The following DNAH9 variants were observed in gnomAD, a reference collection of about 807,000 sequenced individuals.
The protein encoded by DNAH9 is DNAH9 variant protein.
A neutral mutation model predicts 471.6 loss-of-function variants in DNAH9; 345 were observed. The observed-to-expected ratio is 0.73, with a 90% confidence interval of 0.67 to 0.80. The LOEUF (loss-of-function observed/expected upper bound fraction) is 0.80. Ranked by LOEUF, DNAH9 falls within the 30% of genes least tolerant of loss-of-function variation. The probability of loss-of-function intolerance (pLI) is 0.00; values close to 1 mark genes in which losing one functional copy is unlikely to be tolerated. For missense variants in DNAH9, 5,407 were observed against 5,609.2 expected (o/e 0.96, Z 1.15); for synonymous variants, 2,093 against 2,123.6 (o/e 0.99, Z 0.40).
At chr17:11,787,213 C>G (rs367933854) in intron 41 of DNAH9, among the ~76,000 whole-genome samples, 1 of 152,184 alleles carries the variant, frequency 6.6e-6, no homozygotes, top group South Asian at 2.1e-4. Context: ...AAGTGATGTA[C>G]AGAAAACAGA....
At chr17:11,911,707 T>C (rs1417018766) in intron 61 of DNAH9, among the ~76,000 whole-genome samples, 1 of 152,222 alleles carries the variant, frequency 6.6e-6, no homozygotes, top group African/African-American at 2.4e-5. Context: ...ATAAATCTGA[T>C]CAGTGAACAT....
intron 38 of DNAH9, among the ~76,000 whole-genome samples, chr17:11,778,836 A>G (rs982566054): frequency 6.6e-6 from 1 of 151,922 alleles, no homozygotes; most frequent in Non-Finnish European, 1.5e-5. Flanking sequence ...GAGAAACCCC[A>G]TCTCTACTAA....
At chr17:11,793,451 G>T in intron 41 of DNAH9, 52 bp from the exon 42 acceptor site, 1 of 1,550,064 alleles carries the variant, frequency 6.5e-7, no homozygotes, top group Non-Finnish European at 8.8e-7. Flanking sequence ...CCTAGCTATT[G>T]TACCTCTGGA....
intron 1 of DNAH9, among the ~76,000 whole-genome samples, chr17:11,601,322 AAGG>A (rs1261706600): frequency 7.1e-6 from 1 of 141,138 alleles, no homozygotes; most frequent in Non-Finnish European, 1.5e-5. Flanking sequence ...TTAAAAAAGA[AAGG>A]AGGGGAAGAA....
rs531294044 is a variant in DNAH9 at position 11,633,208 on chromosome 17, T to C, written c.1635+505T>C. On this transcript the variant is annotated intron_variant, in intron 8 of 68. Coordinates refer to ENST00000262442, the MANE Select transcript of DNAH9 (RefSeq NM_001372.4). ...CGTAGATGATGCATAGGTAAATGGC[T>C]GCACAGCTGAGAACGCTGCATCGTG... 2.0e-5 allele frequency among the ~76,000 whole-genome samples: 3 copies of C among 152,326 alleles called. No individual in the cohort carries two copies. The East Asian group carries it at 5.8e-4, about 29-fold the overall frequency.
Position 11,623,587 on chromosome 17 carries a change from G to A in DNAH9, c.1350+3806G>A, listed in dbSNP as rs67496656. On this transcript the variant is annotated intron_variant, in intron 6 of 68. Coordinates refer to ENST00000262442, the MANE Select transcript of DNAH9 (RefSeq NM_001372.4). This position sits in a 1 kb window ranked among gnomAD's most constrained non-coding sequence, Gnocchi z 4.1. ...TGTGCAGTGGAACACAGGACTATCA[G>A]CTGTCCTCTGGCATATTTCATGTAG... Among the ~76,000 whole-genome samples, 17,464 of 152,036 alleles carry A rather than the reference G, an allele frequency of 0.11. 1,274 individuals carry two copies. The highest frequency in any genetic ancestry group is 0.2 in the African/African-American group (8,392 of 41,412).
Position 11,821,921 on chromosome 17 carries a change from G to A in DNAH9, c.8709G>A (p.Gly2903=), listed in dbSNP as rs753471756. The change falls in exon 46 of 69, where the codon GGG becomes GGA. Residue 2903 remains glycine (G), a splice_region_variant and synonymous_variant. Transcript: ENST00000262442. ...LVLINDLLAS[G]EIPDLYSDDE... is the part of the protein sequence containing the mutation. ...TATCTGTGCTCCATTTTTTCCCAGG[G>A]GAGATCCCAGATCTCTACTCTGATG... 8 of 1,605,714 alleles carry A rather than the reference G, an allele frequency of 5.0e-6. No homozygotes were observed. Among genetic ancestry groups the A allele is most frequent in the Non-Finnish European group, 6.8e-6 (8 of 1,177,634 alleles).
rs1346354821 is a variant in DNAH9, at chr17:11,827,856, T to G, written c.9246+4822T>G. Reference sequence around the variant, plus strand: ...ATGCGCCACCACACCCGGCTAATTTTTGTATTTTTAGTAGAGATGGGGTTT... The same window carrying G: ...ATGCGCCACCACACCCGGCTAATTTGTGTATTTTTAGTAGAGATGGGGTTT... On this transcript the variant is annotated intron_variant, in intron 48 of 68. Coordinates refer to ENST00000262442, the MANE Select transcript of DNAH9 (RefSeq NM_001372.4). Among the ~76,000 whole-genome samples the G allele has an allele frequency of 2.0e-5, 3 of 152,102 alleles. 1 individual carries two copies. The highest frequency in any genetic ancestry group is 4.4e-5 in the Non-Finnish European group (3 of 68,004).
At position 11,598,799 on chromosome 17, in the gene DNAH9, C is replaced by CT. The variant is rs769795916; in HGVS notation, c.308dup (p.Leu104ProfsTer45). The CT allele has an allele frequency of 4.9e-4, 719 of 1,479,790 alleles. No homozygotes were observed. Among genetic ancestry groups the CT allele is most frequent in the Middle Eastern group, 1.5e-3 (8 of 5,378 alleles). 91.7% of individuals were successfully genotyped at this position (1,479,790 alleles called of 1,614,324 possible). A position where few individuals can be genotyped will look rare whatever the true frequency, so the allele number is the denominator to read the frequency against. ...GTCGGGCCTGGCTGGCGCTAAGGCGCTTTTTTTCCTTCGCACCGGGCCCGA... is the reference window on the plus strand; with the variant it reads ...GTCGGGCCTGGCTGGCGCTAAGGCGCTTTTTTTTCCTTCGCACCGGGCCCGA... On this transcript the variant is annotated frameshift_variant, in exon 1 of 69. Coordinates refer to ENST00000262442, the MANE Select transcript of DNAH9 (RefSeq NM_001372.4). LOFTEE classifies it high-confidence loss of function.
chr17:11,869,324 G>A, intron 51 of DNAH9, 71 bp downstream of exon 51: 3 of 1,585,584 alleles, frequency 1.9e-6, no homozygotes, highest in Non-Finnish European at 2.6e-6. Flanking sequence ...GGAGGTGCAA[G>A]ATAGATGAGC....
At chr17:11,627,240 A>G (rs1464679461) in intron 6 of DNAH9, among the ~76,000 whole-genome samples, 1 of 152,230 alleles carries the variant, frequency 6.6e-6, no homozygotes, top group Non-Finnish European at 1.5e-5. Flanking sequence ...CCAAAAGTAG[A>G]ATAGTTAAAT....
At chr17:11,724,482 A>C (rs957917233) in intron 27 of DNAH9, among the ~76,000 whole-genome samples, 3 of 152,208 alleles carry the variant, frequency 2.0e-5, no homozygotes, top group Non-Finnish European at 4.4e-5. Flanking sequence ...CTCCAGGTCC[A>C]TCCCTGTTGC....
intron 14 of DNAH9, among the ~76,000 whole-genome samples, chr17:11,653,433 CTG>C (rs2073557901): frequency 6.6e-6 from 1 of 152,160 alleles, no homozygotes; most frequent in African/African-American, 2.4e-5. Context: ...GTATCCCTAA[CTG>C]TGTGTGATAA....
At chr17:11,825,491 A>G in intron 48 of DNAH9, among the ~76,000 whole-genome samples, 1 of 152,326 alleles carries the variant, frequency 6.6e-6, no homozygotes, top group African/African-American at 2.4e-5. Flanking sequence ...CCAGTATTCT[A>G]TTTTGTACAG....
chr17:11,792,323 C>T (rs368335177), intron 41 of DNAH9, among the ~76,000 whole-genome samples: 1 of 152,152 alleles, frequency 6.6e-6, no homozygotes, highest in Non-Finnish European at 1.5e-5. Flanking sequence ...AATGTTGTCA[C>T]CAGACTTGTA....
chr17:11,948,339 C>T (rs1975221201), intron 67 of DNAH9, among the ~76,000 whole-genome samples: 1 of 150,572 alleles, frequency 6.6e-6, no homozygotes. Flanking sequence ...AGCTATTCTC[C>T]TGCCTCAGCC....
At chr17:11,746,298 A>C (rs4792165) in intron 31 of DNAH9, among the ~76,000 whole-genome samples, 113,312 of 152,050 alleles carry the variant, frequency 0.75, 42,829 homozygotes, top group East Asian at 0.92. Context: ...CACAAGGCAG[A>C]AGGAAAGAGA....
At chr17:11,803,207 A>G (rs979841495) in intron 43 of DNAH9, among the ~76,000 whole-genome samples, 3 of 152,068 alleles carry the variant, frequency 2.0e-5, no homozygotes, top group Non-Finnish European at 4.4e-5. Flanking sequence ...TTTAAACCAG[A>G]TCTTTTCCCC....
intron 43 of DNAH9, among the ~76,000 whole-genome samples, chr17:11,800,241 C>T (rs980141026): frequency 2.0e-5 from 3 of 151,886 alleles, no homozygotes; most frequent in Non-Finnish European, 4.4e-5. Flanking sequence ...CAAGTCCTGC[C>T]TTCCCTACAA....
Sources: allele counts gnomAD v4.1 joint callset (sites outside exome capture counted in the v4.1 genomes callset), GRCh38; gene constraint gnomAD v4.1.1; non-coding constraint Gnocchi (gnomAD v3.1); transcripts MANE v1.5; gene names NCBI Gene and HGNC (gene_info 2026-07-23, HGNC 2026-07-21).